Variants in RTP1 observed in about 807,000 individuals in gnomAD.
RTP1 encodes the protein receptor transporter protein 1.
RTP1 carries 24 observed loss-of-function variants against 27.1 expected under a neutral mutation model. The ratio of observed to expected loss-of-function variants is 0.89; its 90% confidence interval spans 0.64 to 1.25. The LOEUF (loss-of-function observed/expected upper bound fraction) is 1.25. Ranked by LOEUF, RTP1 falls within the 50% of genes most tolerant of loss-of-function variation. RTP1 has a pLI of 0.00. For synonymous variants in RTP1, 148 were observed against 148.1 expected, an observed-to-expected ratio of 1.00 and a Z score of 0.00; for missense variants, 338 against 351.6, an observed-to-expected ratio of 0.96 and a Z score of 0.31.
At chr3:187,197,976 G>C (rs1045717804) in intron 1 of RTP1, 189 bp downstream of exon 1, 1 of 589,882 alleles carries the variant, frequency 1.7e-6, no homozygotes, top group African/African-American at 1.9e-5. Context: ...TTGGATTTCA[G>C]CTCTTCTACT....
In RTP1 at chr3:187,199,617, C is replaced by A. The variant is rs147962041; in HGVS notation, c.339C>A (p.Phe113Leu). ...ACGTGGTCATCCTCTTCCACATGTT[C>A]CTGGACCGCGCCCAGCGGGCGGGCT... ...SPYVVILFHM[F>L]LDRAQRAGSV... Residue 113 changes from phenylalanine (F) to leucine (L), a missense_variant, in exon 2 of 2, where the codon TTC (phenylalanine) becomes TTA (leucine). Physicochemically the swap from Phe to Leu is conservative, Grantham distance 22. Transcript: ENST00000312295. 652 of 1,608,600 alleles carry A rather than the reference C, an allele frequency of 4.1e-4. 10 individuals carry two copies. In the East Asian group the frequency reaches 0.014, roughly 36 times the overall value.
In RTP1 at chr3:187,201,259, C is replaced by T. The variant is rs1428573068; in HGVS notation, c.*1189C>T. The T allele has an allele frequency of 2.0e-5, 3 of 152,168 alleles. No individual in the cohort carries two copies. Among genetic ancestry groups the T allele is most frequent in the Non-Finnish European group, 4.4e-5 (3 of 68,046 alleles). The allele number at this position is 152,168 out of a possible 1,614,324, so 9.4% of individuals were successfully genotyped here. ...TGATATGGCTTGAAATGGGAGGAGA[C>T]ACTTTCTGACAGTGGGGGGTCTGGA... is the stretch of plus-strand genomic sequence containing the variant. On this transcript the variant is annotated 3_prime_UTR_variant, in exon 2 of 2. Transcript: ENST00000312295.
chr3:187,200,226 T>C lies in RTP1; in HGVS notation c.*156T>C. The C allele has an allele frequency of 1.6e-6, 1 of 630,352 alleles. No individual in the cohort carries two copies. Among genetic ancestry groups the C allele is most frequent in the African/African-American group, 1.8e-5 (1 of 54,298 alleles). 39.0% of individuals were successfully genotyped at this position (630,352 alleles called of 1,614,324 possible). On this transcript the variant is annotated 3_prime_UTR_variant, in exon 2 of 2. Coordinates refer to ENST00000312295, the MANE Select transcript of RTP1 (RefSeq NM_153708.3). The stretch of plus-strand genomic sequence containing the variant: ...ACAAATTATACAGTTTTTCCATCTA[T>C]AAAACTCAGGGTTTGGGCAAGATCA...
Position 187,199,802 on chromosome 3 carries a change from T to A in RTP1, c.524T>A (p.Ile175Asn). Residue 175 changes from isoleucine to asparagine, a missense_variant, in exon 2 of 2, where the codon ATC becomes AAC. Physicochemically the swap from Ile to Asn is moderately radical, Grantham distance 149. Transcript: ENST00000312295. ...GGCGAGCGTGGCGGCCAGTACCGCA[T>A]CCACGTGGCCAGCCGCCAGGACAAC... ...CYGERGGQYR[I>N]HVASRQDNRR... 1.9e-6 allele frequency: 3 copies of A among 1,611,170 alleles called. No homozygotes were observed. The highest frequency in any genetic ancestry group is 2.5e-6 in the Non-Finnish European group (3 of 1,177,940).
intron 1 of RTP1, 146 bp from the exon 2 acceptor site, chr3:187,199,405 G>A: frequency 1.2e-6 from 1 of 825,578 alleles, no homozygotes; most frequent in Admixed American, 2.7e-5. Flanking sequence ...GCTTCCTGGG[G>A]AAAGCTAATG....
chr3:187,199,469 C>G (rs1721663041), intron 1 of RTP1, 82 bp from the exon 2 acceptor site: 1 of 1,449,728 alleles, frequency 6.9e-7, no homozygotes, highest in Admixed American at 2.1e-5. Flanking sequence ...GCTTAGCCTC[C>G]ACGTCCCCTC....
rs754810891 is a variant in RTP1 at position 187,197,668 on chromosome 3, T to C, written c.153T>C (p.Tyr51=). The change falls in exon 1 of 2, where the codon TAT becomes TAC. Residue 51 remains tyrosine (Y), a synonymous_variant. Transcript: ENST00000312295. ...CAGATGAGTGGAAGAAAGTCTTCTA[T>C]GAGAAGATGGAGGAGGCAAAGCCGG... ...VTTDEWKKVF[Y]EKMEEAKPAD... 18 of 1,614,162 alleles carry C rather than the reference T, an allele frequency of 1.1e-5. No homozygotes were observed. Among genetic ancestry groups the C allele is most frequent in the Non-Finnish European group, 1.1e-5 (13 of 1,180,010 alleles).
chr3:187,201,189 T>G lies in RTP1; in HGVS notation c.*1119T>G, dbSNP rs949431363. On this transcript the variant is annotated 3_prime_UTR_variant, in exon 2 of 2. Transcript: ENST00000312295. ...GTAAAATGCTTTGTCCATGGGGAAG[T>G]GCACAGATATGTGGGAGAACCTTAC... The G allele has an allele frequency of 6.6e-6, 1 of 152,164 alleles. No individual in the cohort carries two copies. The highest frequency in any genetic ancestry group is 1.9e-4 in the East Asian group (1 of 5,196). The allele number at this position is 152,164 out of a possible 1,614,324, so 9.4% of individuals were successfully genotyped here. A position where few individuals can be genotyped will look rare whatever the true frequency, so the allele number is the denominator to read the frequency against.
intron 1 of RTP1, 181 bp from the exon 2 acceptor site, chr3:187,199,370 C>A: frequency 1.6e-6 from 1 of 617,812 alleles, no homozygotes; most frequent in Non-Finnish European, 2.8e-6. Flanking sequence ...TGCTGTAGTC[C>A]TAGGGGCACT....
rs772184510 is a variant in RTP1 at position 187,199,848 on chromosome 3, C to T, written c.570C>T (p.Phe190=). The change falls in exon 2 of 2, where the codon TTC becomes TTT. Residue 190 remains phenylalanine (F), a synonymous_variant. Transcript: ENST00000312295. Reference sequence around the variant, plus strand: ...ACAACCGGCGGCACCGCGGAGAGTTCTGCGAGGCCTGCCAGGAGGGCATCG... The same window carrying T: ...ACAACCGGCGGCACCGCGGAGAGTTTTGCGAGGCCTGCCAGGAGGGCATCG... ...RQDNRRHRGE[F]CEACQEGIVH... is the part of the protein sequence containing the mutation. 47 of 1,603,084 alleles carry T rather than the reference C, an allele frequency of 2.9e-5. No individual in the cohort carries two copies. Among genetic ancestry groups the T allele is most frequent in the Non-Finnish European group, 3.3e-5 (39 of 1,171,500 alleles).
intron 1 of RTP1, among the ~76,000 whole-genome samples, chr3:187,198,975 G>T (rs1721652852): frequency 6.6e-6 from 1 of 152,112 alleles, no homozygotes; most frequent in South Asian, 2.1e-4. Context: ...CCCAGACCTG[G>T]CTGGGGACCT....
chr3:187,198,874 G>T (rs1162182760), intron 1 of RTP1, among the ~76,000 whole-genome samples: 2 of 152,172 alleles, frequency 1.3e-5, no homozygotes, highest in Non-Finnish European at 2.9e-5. Context: ...GACAGGAGGG[G>T]TGTCAAGGGC....
intron 1 of RTP1, among the ~76,000 whole-genome samples, chr3:187,199,002 C>T (rs1417934100): frequency 6.6e-6 from 1 of 152,072 alleles, no homozygotes; most frequent in Admixed American, 6.5e-5. Flanking sequence ...CCCAGCTGGC[C>T]CCAGTCAGGC....
chr3:187,199,821 G>A lies in RTP1; in HGVS notation c.543G>A (p.Gln181=), dbSNP rs1721679800. The A allele has an allele frequency of 6.2e-7, 1 of 1,608,886 alleles. No homozygotes were observed. The highest frequency in any genetic ancestry group is 8.5e-7 in the Non-Finnish European group (1 of 1,175,984). ...GQYRIHVASR[Q]DNRRHRGEFC... is the part of the protein sequence containing the mutation. ...ACCGCATCCACGTGGCCAGCCGCCAGGACAACCGGCGGCACCGCGGAGAGT... is the reference window on the plus strand; with the variant it reads ...ACCGCATCCACGTGGCCAGCCGCCAAGACAACCGGCGGCACCGCGGAGAGT... The change falls in exon 2 of 2, where the codon CAG becomes CAA. Residue 181 remains glutamine, a synonymous_variant. Coordinates refer to ENST00000312295, the MANE Select transcript of RTP1 (RefSeq NM_153708.3).
At position 187,201,366 on chromosome 3, in the gene RTP1, T is replaced by C. The variant is rs1721716821; in HGVS notation, c.*1296T>C. The C allele has an allele frequency of 6.6e-6, 1 of 152,140 alleles. No individual in the cohort carries two copies. The highest frequency in any genetic ancestry group is 1.5e-5 in the Non-Finnish European group (1 of 68,020). The allele number at this position is 152,140 out of a possible 1,614,324, so 9.4% of individuals were successfully genotyped here. The stretch of plus-strand genomic sequence containing the variant: ...ACCTCTGTTAAAAACTTGACTACTC[T>C]CCTCTTTAATAGAAAGTCACCATCA... On this transcript the variant is annotated 3_prime_UTR_variant, in exon 2 of 2. Transcript: ENST00000312295.
intron 1 of RTP1, among the ~76,000 whole-genome samples, chr3:187,198,970 A>T (rs1721652759): frequency 6.6e-6 from 1 of 152,070 alleles, no homozygotes; most frequent in Non-Finnish European, 1.5e-5. Context: ...GCTGCCCCAG[A>T]CCTGGCTGGG....
At chr3:187,199,163 T>C (rs923656028) in intron 1 of RTP1, 5 of 199,908 alleles carry the variant, frequency 2.5e-5, no homozygotes, top group African/African-American at 4.6e-5. Flanking sequence ...ACAGTCAGTG[T>C]TAACAGATAG....
intron 1 of RTP1, among the ~76,000 whole-genome samples, chr3:187,198,242 A>G (rs970756843): frequency 2.0e-5 from 3 of 152,202 alleles, no homozygotes; most frequent in Non-Finnish European, 4.4e-5. Flanking sequence ...AATACATGAG[A>G]TGTGCCAGAA....
intron 1 of RTP1, chr3:187,198,015 G>A: frequency 1.9e-6 from 1 of 522,830 alleles, no homozygotes; most frequent in Non-Finnish European, 3.4e-6. Context: ...TCCTCTCTGA[G>A]TCACAATTTT....
Sources: gnomAD v4.1 joint callset for allele counts (sites outside exome capture counted in the v4.1 genomes callset) on GRCh38, gnomAD v4.1.1 for gene constraint, MANE v1.5 for transcripts, NCBI Gene and HGNC (gene_info 2026-07-23, HGNC 2026-07-21) for gene names.